NIPAL2: variants seen among roughly 807,000 people sequenced by gnomAD.
The protein encoded by NIPAL2 is NIPA like domain containing 2.
NIPAL2 carries 43 observed loss-of-function variants against 48.9 expected under a neutral mutation model. The ratio of observed to expected loss-of-function variants is 0.88; its 90% confidence interval spans 0.69 to 1.13. NIPAL2 has a LOEUF of 1.13. NIPAL2 is among the 50% of genes most tolerant of loss of function. The pLI, the probability that NIPAL2 is intolerant of heterozygous loss-of-function variation, is 0.00. For synonymous variants in NIPAL2, 167 were observed against 174.6 expected, an observed-to-expected ratio of 0.96 and a Z score of 0.34; for missense variants, 446 against 461.4, an observed-to-expected ratio of 0.97 and a Z score of 0.31.
At chr8:98,289,155 T>G (rs1816356335) in intron 1 of NIPAL2, among the ~76,000 whole-genome samples, 2 of 152,200 alleles carry the variant, frequency 1.3e-5, no homozygotes, top group South Asian at 4.1e-4. Context: ...TGCTGTGTCT[T>G]TTAGGTCTAT....
rs941058031 is a variant in NIPAL2 at position 98,217,190 on chromosome 8, C to T, written c.559-4689G>A. 20 of 985,306 alleles carry T rather than the reference C, an allele frequency of 2.0e-5. No individual in the cohort carries two copies. In the African/African-American group the frequency reaches 3.5e-4, roughly 17 times the overall value. The allele number at this position is 985,306 out of a possible 1,614,324, so 61.0% of individuals were successfully genotyped here. A position where few individuals can be genotyped will look rare whatever the true frequency, so the allele number is the denominator to read the frequency against. ...CACTGGGCTTCTCAAATCTTCCTTC[C>T]TTTCTTTTCTGTACCAGATCAGAGG... On this transcript the variant is annotated intron_variant, in intron 5 of 10. Coordinates refer to ENST00000430223, the MANE Select transcript of NIPAL2 (RefSeq NM_001321635.2).
chr8:98,262,129 C>T (rs1397885043), intron 1 of NIPAL2, among the ~76,000 whole-genome samples: 12 of 144,802 alleles, frequency 8.3e-5, no homozygotes, highest in African/African-American at 1.5e-4. Flanking sequence ...CTGAAGGAAG[C>T]GCTAAACATG....
At chr8:98,242,730 C>T (rs1326885959) in intron 3 of NIPAL2, among the ~76,000 whole-genome samples, 2 of 152,002 alleles carry the variant, frequency 1.3e-5, no homozygotes, top group Admixed American at 1.3e-4. Flanking sequence ...GTGATCCTCC[C>T]GCCTTGGCCT....
intron 1 of NIPAL2, among the ~76,000 whole-genome samples, chr8:98,285,608 C>T (rs1816107784): frequency 1.3e-5 from 2 of 152,160 alleles, no homozygotes; most frequent in African/African-American, 4.8e-5. Flanking sequence ...TGAGCATTCA[C>T]CATATTTTTA....
chr8:98,292,763 C>T (rs1190233521), intron 1 of NIPAL2, among the ~76,000 whole-genome samples: 4 of 147,586 alleles, frequency 2.7e-5, no homozygotes, highest in Non-Finnish European at 5.9e-5. Flanking sequence ...GGATAGATAA[C>T]TCATTCTTAA....
At chr8:98,270,437 G>T (rs866317825) in intron 1 of NIPAL2, among the ~76,000 whole-genome samples, 7 of 152,070 alleles carry the variant, frequency 4.6e-5, no homozygotes, top group Non-Finnish European at 8.8e-5. Context: ...GATGATTAGT[G>T]ATGTTCAGCA....
At chr8:98,249,757 T>C (rs574169602) in intron 3 of NIPAL2, among the ~76,000 whole-genome samples, 3 of 147,444 alleles carry the variant, frequency 2.0e-5, no homozygotes, top group South Asian at 2.1e-4. Context: ...AATACAAATA[T>C]ATTAAATATC....
chr8:98,204,391 A>T (rs1810934842), intron 7 of NIPAL2, among the ~76,000 whole-genome samples: 1 of 152,186 alleles, frequency 6.6e-6, no homozygotes, highest in Non-Finnish European at 1.5e-5. Context: ...CTGATTTCTT[A>T]TCTGGGATGG....
At chr8:98,212,894 C>T (rs921310179) in intron 5 of NIPAL2, among the ~76,000 whole-genome samples, 1 of 152,166 alleles carries the variant, frequency 6.6e-6, no homozygotes, top group Admixed American at 6.5e-5. Flanking sequence ...TCCCACACTC[C>T]GTGTTGCACA....
chr8:98,274,980 C>G (rs546115104), intron 1 of NIPAL2, among the ~76,000 whole-genome samples: 2 of 151,828 alleles, frequency 1.3e-5, no homozygotes, highest in African/African-American at 2.4e-5. Context: ...TTTTTTAAAC[C>G]TTTAATTTTG....
chr8:98,246,761 G>A (rs1813327938), intron 3 of NIPAL2, among the ~76,000 whole-genome samples: 1 of 152,046 alleles, frequency 6.6e-6, no homozygotes, highest in Admixed American at 6.6e-5. Context: ...TATACTCAGA[G>A]GCATAGAACT....
intron 2 of NIPAL2, 39 bp from the exon 3 acceptor site, chr8:98,252,673 A>C (rs1411293384): frequency 6.4e-7 from 1 of 1,554,020 alleles, no homozygotes; most frequent in African/African-American, 1.4e-5. Flanking sequence ...AAACATTCTG[A>C]GCTATGAGGG....
rs10111664 is a variant in NIPAL2, at chr8:98,254,043, C to T, written c.180G>A (p.Val60=). ...CCTGAATATTTAGAGAAATACTGAT[C>T]ACCAAGTTTCCTAAAATAGCCAGCA... ...GVLLAILGNL[V]ISISLNIQKY... is the part of the protein sequence containing the mutation. Residue 60 remains valine (V), a synonymous_variant, in exon 2 of 11, where the codon GTG becomes GTA. Transcript: ENST00000430223. The T allele has an allele frequency of 3.9e-3, 6,244 of 1,610,570 alleles. 204 individuals are homozygous for T. In the African/African-American group the frequency reaches 0.074, roughly 19 times the overall value.
intron 6 of NIPAL2, among the ~76,000 whole-genome samples, chr8:98,209,256 A>G (rs1005249649): frequency 6.6e-6 from 1 of 152,102 alleles, no homozygotes; most frequent in African/African-American, 2.4e-5. Flanking sequence ...ATATAAACAT[A>G]TAAGTAGAAT....
intron 3 of NIPAL2, among the ~76,000 whole-genome samples, chr8:98,249,022 A>G (rs557431022): frequency 6.9e-4 from 105 of 152,266 alleles, no homozygotes; most frequent in African/African-American, 2.4e-3. Flanking sequence ...TGCCTTAAGA[A>G]TTCCCTAAAG....
intron 3 of NIPAL2, among the ~76,000 whole-genome samples, chr8:98,239,320 C>T (rs990754386): frequency 6.6e-6 from 1 of 152,204 alleles, no homozygotes. Flanking sequence ...TATTTCCTTG[C>T]TCTCAGTCCA....
intron 8 of NIPAL2, among the ~76,000 whole-genome samples, chr8:98,201,152 A>G (rs936326654): frequency 1.3e-5 from 2 of 152,174 alleles, no homozygotes; most frequent in Non-Finnish European, 2.9e-5. Flanking sequence ...AAACTTGACT[A>G]ATTAGTAGGC....
At chr8:98,288,538 T>A (rs1007652852) in intron 1 of NIPAL2, among the ~76,000 whole-genome samples, 2 of 151,524 alleles carry the variant, frequency 1.3e-5, no homozygotes, top group Admixed American at 1.3e-4. Flanking sequence ...TGATTTATAG[T>A]CCTTTGGGTA....
chr8:98,283,391 A>G (rs1815966520), intron 1 of NIPAL2, among the ~76,000 whole-genome samples: 1 of 152,194 alleles, frequency 6.6e-6, no homozygotes, highest in Non-Finnish European at 1.5e-5. Flanking sequence ...GTGAGATTCC[A>G]GTTAAGGAAG....
Sources: gnomAD v4.1 joint callset for allele counts (sites outside exome capture counted in the v4.1 genomes callset) on GRCh38, gnomAD v4.1.1 for gene constraint, MANE v1.5 for transcripts, NCBI Gene and HGNC (gene_info 2026-07-23, HGNC 2026-07-21) for gene names.